RAPH1: variants seen among roughly 807,000 people sequenced by gnomAD.
RAPH1 encodes the protein Ras association (RalGDS/AF-6) and pleckstrin homology domains 1, also known as ras-associated and pleckstrin homology domains-containing protein 1.
Under a neutral mutation model 88.1 loss-of-function variants are expected in RAPH1, and 18 were observed. The ratio of observed to expected loss-of-function variants is 0.20; its 90% CI spans 0.14 to 0.30. The LOEUF (loss-of-function observed/expected upper bound fraction) is 0.30. RAPH1 is among the 10% of genes least tolerant of loss of function. The pLI is 1.00. For synonymous variants in RAPH1, 587 were observed against 559.0 expected, an observed-to-expected ratio of 1.05 and a Z score of -0.71; for missense variants, 1,448 against 1,543.2, an observed-to-expected ratio of 0.94 and a Z score of 1.03.
At chr2:203,476,986 GAA>G in intron 4 of RAPH1, 2 of 901,068 alleles carry the variant, frequency 2.2e-6, no homozygotes, top group Non-Finnish European at 3.5e-6. Flanking sequence ...TTGAAAAACT[GAA>G]GTTATATGAA....
intron 4 of RAPH1, among the ~76,000 whole-genome samples, chr2:203,478,509 A>G (rs1687576537): frequency 6.7e-6 from 1 of 149,982 alleles, no homozygotes; most frequent in African/African-American, 2.5e-5. Flanking sequence ...TTCTTTTTTG[A>G]GATGGAGTCT....
intron 4 of RAPH1, among the ~76,000 whole-genome samples, chr2:203,466,152 C>T (rs2098528280): frequency 1.3e-5 from 2 of 152,168 alleles, no homozygotes; most frequent in South Asian, 2.1e-4. Context: ...TTAGTTTATA[C>T]TTCTCTAGTT....
chr2:203,530,729 TA>T (rs1261446241), intron 1 of RAPH1, among the ~76,000 whole-genome samples: 1 of 151,854 alleles, frequency 6.6e-6, no homozygotes, highest in African/African-American at 2.4e-5. Context: ...CTGTCTCTAC[TA>T]AAAATACAAA....
chr2:203,452,230 A>C (rs2098515522), intron 10 of RAPH1, among the ~76,000 whole-genome samples: 1 of 152,204 alleles, frequency 6.6e-6, no homozygotes, highest in African/African-American at 2.4e-5. Flanking sequence ...TGAAGGAGTT[A>C]AAAATGTACC....
chr2:203,446,225 G>C (rs1291180331), intron 12 of RAPH1: 1 of 152,190 alleles, frequency 6.6e-6, no homozygotes, highest in Non-Finnish European at 1.5e-5. Flanking sequence ...TAGTGGTCAG[G>C]TATCTTGTAG....
chr2:203,445,115 AC>A (rs1414915841), intron 12 of RAPH1, 105 bp from the exon 13 acceptor site: 6 of 889,832 alleles, frequency 6.7e-6, no homozygotes, highest in Non-Finnish European at 1.0e-5. Flanking sequence ...AGTGCTGTGT[AC>A]AACAGCACCA....
At chr2:203,504,975 G>A (rs1391701836) in intron 1 of RAPH1, among the ~76,000 whole-genome samples, 1 of 152,090 alleles carries the variant, frequency 6.6e-6, no homozygotes, top group Non-Finnish European at 1.5e-5. Context: ...CCTCAGCTTG[G>A]ATCTTATTGT....
rs150943348 is a variant in RAPH1 at position 203,525,144 on chromosome 2, C to T, written c.-1+9967G>A. 1.8e-3 allele frequency among the ~76,000 whole-genome samples: 269 copies of T among 152,282 alleles called. 4 individuals carry two copies. The highest frequency in any genetic ancestry group is 6.3e-3 in the African/African-American group (260 of 41,556). ...CCCAAACTAGAAGCAGCCCAGTTGCCCACCAACAGGAAAATGGATAAGAAA... is the reference window on the plus strand; with the variant it reads ...CCCAAACTAGAAGCAGCCCAGTTGCTCACCAACAGGAAAATGGATAAGAAA... On this transcript the variant is annotated intron_variant, in intron 1 of 13. Coordinates refer to ENST00000319170, the MANE Select transcript of RAPH1 (RefSeq NM_213589.3).
intron 6 of RAPH1, among the ~76,000 whole-genome samples, chr2:203,460,837 C>G (rs2098523659): frequency 6.6e-6 from 1 of 152,054 alleles, no homozygotes; most frequent in Non-Finnish European, 1.5e-5. Flanking sequence ...AAAGATGAGG[C>G]CAGGCGTGGT....
intron 1 of RAPH1, among the ~76,000 whole-genome samples, chr2:203,497,748 T>C (rs1194047799): frequency 6.6e-6 from 1 of 152,198 alleles, no homozygotes; most frequent in Non-Finnish European, 1.5e-5. Flanking sequence ...GATCTACCAA[T>C]TTCCCAATTC....
chr2:203,506,912 T>TA, intron 1 of RAPH1, among the ~76,000 whole-genome samples: 1 of 122,900 alleles, frequency 8.1e-6, no homozygotes, highest in Non-Finnish European at 1.7e-5. Context: ...TTTTTTTTTT[T>TA]GAGATGAACT....
chr2:203,468,352 G>A (rs923947409), intron 4 of RAPH1, among the ~76,000 whole-genome samples: 19 of 152,152 alleles, frequency 1.2e-4, no homozygotes, highest in Admixed American at 1.2e-3. Context: ...CTGGCAAAAC[G>A]GTCTTTTTTC....
At position 203,434,566 on chromosome 2, in the gene RAPH1, CAAA is replaced by C. The variant is rs369267717; in HGVS notation, c.*4868_*4870del. ...CTAGAAGGGGTTATTTTACAAGTAG[CAAA>C]AAAAAAAAAAAAAGTAGGAGGTGGG... On this transcript the variant is annotated 3_prime_UTR_variant, in exon 14 of 14. Transcript: ENST00000319170. 35 of 102,612 alleles carry C rather than the reference CAAA, an allele frequency of 3.4e-4. No homozygotes were observed. The highest frequency in any genetic ancestry group is 4.8e-4 in the African/African-American group (16 of 33,056). 6.4% of individuals were successfully genotyped at this position (102,612 alleles called of 1,614,324 possible).
intron 9 of RAPH1, among the ~76,000 whole-genome samples, chr2:203,454,743 T>A (rs113276256): frequency 6.6e-6 from 1 of 152,356 alleles, no homozygotes; most frequent in Non-Finnish European, 1.5e-5. Flanking sequence ...CCCATTTTAC[T>A]TACTGTTTTG....
chr2:203,517,359 C>CAAAAAAAAAAAAAAAAAAAAAAAAAGAA (rs71408943), intron 1 of RAPH1, among the ~76,000 whole-genome samples: 2 of 32,150 alleles, frequency 6.2e-5, no homozygotes, highest in African/African-American at 1.1e-4. Context: ...CTATGAGAGG[C>CAAAAAAAAAAAAAAAAAAAAAAAAAGAA]AAAAAAAAAA....
chr2:203,497,833 A>G (rs1436647337), intron 1 of RAPH1, among the ~76,000 whole-genome samples: 1 of 152,188 alleles, frequency 6.6e-6, no homozygotes, highest in Non-Finnish European at 1.5e-5. Flanking sequence ...ATTCATTACT[A>G]TATAATTGAT....
intron 6 of RAPH1, 118 bp downstream of exon 6, chr2:203,461,131 A>T (rs557031413): frequency 2.4e-6 from 1 of 419,124 alleles, no homozygotes; most frequent in Non-Finnish European, 3.7e-6. Context: ...AAATTAAAAT[A>T]AAATAAAATA....
At chr2:203,475,529 T>C (rs1169365753) in intron 4 of RAPH1, among the ~76,000 whole-genome samples, 1 of 152,228 alleles carries the variant, frequency 6.6e-6, no homozygotes, top group East Asian at 1.9e-4. Flanking sequence ...ATTTTGTCAT[T>C]ACAATTATAA....
In RAPH1 at chr2:203,461,407, A is replaced by G. The variant is rs1474012233; in HGVS notation, c.812T>C (p.Leu271Pro). 24 of 1,591,466 alleles carry G rather than the reference A, an allele frequency of 1.5e-5. No individual in the cohort carries two copies. The highest frequency in any genetic ancestry group is 2.1e-5 in the Non-Finnish European group (24 of 1,169,910). ...ATCAGACATGTGGACTCTGATCACC[A>G]GCTATAACAGGTAAAAAGAAAAGTA... The part of the protein sequence containing the change: ...EKIKEAQVKK[L>P]VIRVHMSDDS... The change falls in exon 6 of 14, where the codon CTG becomes CCG. Residue 271 changes from leucine to proline, a missense_variant and splice_region_variant. Coordinates refer to ENST00000319170, the MANE Select transcript of RAPH1 (RefSeq NM_213589.3).
Sources: allele counts gnomAD v4.1 joint callset (sites outside exome capture counted in the v4.1 genomes callset), GRCh38; gene constraint gnomAD v4.1.1; transcripts MANE v1.5; gene names NCBI Gene and HGNC (gene_info 2026-07-23, HGNC 2026-07-21).